Variants in PM20D2 observed in about 807,000 individuals in gnomAD.
PM20D2 encodes the protein peptidase M20 domain containing 2.
In PM20D2, 33 loss-of-function variants were observed where a neutral mutation model predicts 42.9. That is an observed-to-expected ratio of 0.77 (90% CI 0.58 to 1.03). The LOEUF is 1.03. Ranked by LOEUF, PM20D2 falls within the 50% of genes least tolerant of loss-of-function variation. The probability of loss-of-function intolerance (pLI) is 0.00; values close to 1 mark genes in which losing one functional copy is unlikely to be tolerated. For missense variants in PM20D2, 548 were observed against 557.0 expected (o/e 0.98, Z 0.16); for synonymous variants, 250 against 228.2 (o/e 1.10, Z -0.86).
At chr6:89,114,144 A>C in the PM20D2 span, among the ~76,000 whole-genome samples, 1 of 151,998 alleles carries the variant, frequency 6.6e-6, no homozygotes, top group Non-Finnish European at 1.5e-5. Context: ...CAAAGAACAT[A>C]CGGCCAGGCG....
At chr6:89,148,882 G>T (rs1301854681) in intron 1 of PM20D2, among the ~76,000 whole-genome samples, 1 of 152,172 alleles carries the variant, frequency 6.6e-6, no homozygotes, top group Non-Finnish European at 1.5e-5. Flanking sequence ...GACTCGTAAA[G>T]TACTTAAGAA....
At chr6:89,098,549 A>C in the PM20D2 span, 1 of 1,566,506 alleles carries the variant, frequency 6.4e-7, no homozygotes. Context: ...CTTATATTAA[A>C]GACGGCGTGG....
chr6:89,146,691 C>A, intron 1 of PM20D2, 82 bp downstream of exon 1: 1 of 1,188,280 alleles, frequency 8.4e-7, no homozygotes, highest in Non-Finnish European at 1.1e-6. Flanking sequence ...CTCGTGCGTC[C>A]CGCGCGCCTC....
chr6:89,147,774 T>C (rs927520255), intron 1 of PM20D2, among the ~76,000 whole-genome samples: 22 of 149,572 alleles, frequency 1.5e-4, no homozygotes, highest in African/African-American at 5.4e-4. Flanking sequence ...ACGCCTGTAA[T>C]CCCAGCTACT....
the PM20D2 span, among the ~76,000 whole-genome samples, chr6:89,117,238 A>G: frequency 6.6e-6 from 1 of 152,188 alleles, no homozygotes; most frequent in East Asian, 1.9e-4. Flanking sequence ...AAACGCACTG[A>G]TCTCATTCAT....
chr6:89,157,782 A>T lies in PM20D2; in HGVS notation c.913-543A>T, dbSNP rs59532423. Among the ~76,000 whole-genome samples the T allele has an allele frequency of 1.9e-3, 286 of 152,356 alleles. 1 individual carries two copies. Among genetic ancestry groups the T allele is most frequent in the African/African-American group, 6.7e-3 (279 of 41,576 alleles). ...CACTTTGGGAGGCCGAGACGGGCAGATCACATGAAGTCAGGAGTTTGAGGC... is the reference window on the plus strand; with the variant it reads ...CACTTTGGGAGGCCGAGACGGGCAGTTCACATGAAGTCAGGAGTTTGAGGC... On this transcript the variant is annotated intron_variant, in intron 4 of 6. Coordinates refer to ENST00000275072, the MANE Select transcript of PM20D2 (RefSeq NM_001010853.3).
chr6:89,150,909 T>C (rs1206756798), intron 2 of PM20D2, among the ~76,000 whole-genome samples: 1 of 151,444 alleles, frequency 6.6e-6, no homozygotes, highest in African/African-American at 2.4e-5. Context: ...ATCCCAGCAC[T>C]TTGGGAGGCC....
At chr6:89,160,346 T>A (rs1771194174) in intron 5 of PM20D2, among the ~76,000 whole-genome samples, 2 of 152,246 alleles carry the variant, frequency 1.3e-5, no homozygotes, top group African/African-American at 2.4e-5. Context: ...GGTTTCTTCA[T>A]GTTTAAAATG....
At chr6:89,105,548 A>C in the PM20D2 span, 2 of 1,520,822 alleles carry the variant, frequency 1.3e-6, no homozygotes, top group African/African-American at 2.8e-5. Context: ...GCTGTTAAGG[A>C]CACTTTGAAC....
chr6:89,116,627 T>C, the PM20D2 span, among the ~76,000 whole-genome samples: 1 of 151,936 alleles, frequency 6.6e-6, no homozygotes, highest in Admixed American at 6.6e-5. Flanking sequence ...ATATAAAAAT[T>C]AGCCGGGTGT....
At position 89,154,756 on chromosome 6, in the gene PM20D2, A is replaced by G. The variant is rs1770973657; in HGVS notation, c.766A>G (p.Lys256Glu). ...TTTGGTTCTTTTTATAGGTATAATA[A>G]AAAATGGTGGTGTAAAACCCAATAT... ...KPTWRVHGII[K>E]NGGVKPNIIP... The change falls in exon 4 of 7, where the codon AAA (lysine) becomes GAA (glutamate). Residue 256 changes from lysine to glutamate, a missense_variant. Transcript: ENST00000275072. The G allele has an allele frequency of 1.3e-6, 2 of 1,538,310 alleles. No individual in the cohort carries two copies. Among genetic ancestry groups the G allele is most frequent in the Middle Eastern group, 3.6e-4 (2 of 5,618 alleles).
the PM20D2 span, chr6:89,098,867 T>G: frequency 6.2e-7 from 1 of 1,613,866 alleles, no homozygotes; most frequent in Non-Finnish European, 8.5e-7. Flanking sequence ...AGTTCTTGAC[T>G]GCCTTGCTGA....
At chr6:89,145,405 T>C (rs542663418), upstream of PM20D2, among the ~76,000 whole-genome samples, 1 of 152,346 alleles carries the variant, frequency 6.6e-6, no homozygotes, top group African/African-American at 2.4e-5. Context: ...AGTATGAATA[T>C]TTACTACCAT....
chr6:89,105,714 A>C, the PM20D2 span: 5 of 406,940 alleles, frequency 1.2e-5, no homozygotes, highest in African/African-American at 1.0e-4. Context: ...CAAATGACCC[A>C]TTATGTTTAG....
intron 2 of PM20D2, 25 bp downstream of exon 2, chr6:89,149,438 C>T: frequency 6.2e-7 from 1 of 1,610,658 alleles, no homozygotes; most frequent in East Asian, 2.2e-5. Flanking sequence ...TGAAGATAAA[C>T]TTCTTAGGGG....
At chr6:89,116,182 C>A in the PM20D2 span, among the ~76,000 whole-genome samples, 1 of 152,170 alleles carries the variant, frequency 6.6e-6, no homozygotes, top group Non-Finnish European at 1.5e-5. Context: ...GCCTTATAGG[C>A]TGGCAGCTTC....
At chr6:89,135,572 T>C in the PM20D2 span, among the ~76,000 whole-genome samples, 3 of 151,420 alleles carry the variant, frequency 2.0e-5, no homozygotes, top group African/African-American at 2.5e-5. Context: ...ATTATCTTTA[T>C]TGATAAATTT....
chr6:89,119,809 TTCTCTGTCTCTC>T, the PM20D2 span, among the ~76,000 whole-genome samples: 1 of 152,218 alleles, frequency 6.6e-6, no homozygotes. Context: ...CTCTCTCTCT[TTCTCTGTCTCTC>T]TCTCTTTTTA....
the PM20D2 span, chr6:89,105,431 G>A: frequency 6.2e-7 from 1 of 1,602,306 alleles, no homozygotes. Flanking sequence ...ACTTACTTTT[G>A]CGATCACCTT....
Sources: allele counts gnomAD v4.1 joint callset (sites outside exome capture counted in the v4.1 genomes callset), GRCh38; gene constraint gnomAD v4.1.1; transcripts MANE v1.5; gene names NCBI Gene and HGNC (gene_info 2026-07-23, HGNC 2026-07-21).